Variants in PIK3C2A observed in about 807,000 individuals in gnomAD.
The protein encoded by PIK3C2A is phosphatidylinositol 4-phosphate 3-kinase C2 domain-containing subunit alpha.
In PIK3C2A, 97 loss-of-function variants were observed where a neutral mutation model predicts 204.5. The observed-to-expected ratio is 0.47, with a 90% CI of 0.40 to 0.56. The LOEUF (loss-of-function observed/expected upper bound fraction) is 0.56, where lower values mean the gene tolerates loss of function less well. Among genes scored for constraint, PIK3C2A ranks in the 20% least tolerant of loss-of-function variants. The probability of loss-of-function intolerance (pLI) is 0.00; values close to 1 mark genes in which losing one functional copy is unlikely to be tolerated. For missense variants in PIK3C2A, 1,735 were observed against 1,969.2 expected (o/e 0.88, Z 2.25); for synonymous variants, 653 against 664.4 (o/e 0.98, Z 0.26).
chr11:17,186,072 C>T (rs1274003361), intron 1 of PIK3C2A, among the ~76,000 whole-genome samples: 1 of 152,168 alleles, frequency 6.6e-6, no homozygotes, highest in Non-Finnish European at 1.5e-5. Context: ...ATCACACTGG[C>T]CCCCTTGTTG....
intron 13 of PIK3C2A, among the ~76,000 whole-genome samples, chr11:17,124,919 T>C (rs548587038): frequency 4.6e-5 from 7 of 152,312 alleles, no homozygotes; most frequent in South Asian, 2.1e-4. Context: ...GTATTTTCCA[T>C]AGAGAAGAAG....
chr11:17,119,319 A>T lies in PIK3C2A; in HGVS notation c.2847-6T>A. On this transcript the variant is annotated splice_polypyrimidine_tract_variant and splice_region_variant and intron_variant, in intron 16 of 32. Transcript: ENST00000691414. ...TTACTTCCTGATCAGCAAATCTAGA[A>T]GATTACCATAAAACCAAGATTGGAC... is the stretch of plus-strand genomic sequence containing the variant. 6.4e-7 allele frequency: 1 copy of T among 1,556,020 alleles called. No individual in the cohort carries two copies. The highest frequency in any genetic ancestry group is 8.9e-7 in the Non-Finnish European group (1 of 1,128,674).
intron 1 of PIK3C2A, among the ~76,000 whole-genome samples, chr11:17,181,056 G>GTTTACTTATTACTGACTTATT (rs1851532943): frequency 2.0e-5 from 3 of 152,096 alleles, no homozygotes; most frequent in African/African-American, 7.2e-5. Flanking sequence ...AAAGGGAAGA[G>GTTTACTTATTACTGACTTATT]ATGCATAGGG....
At chr11:17,102,520 T>TTAC (rs1191268632) in intron 24 of PIK3C2A, 142 bp downstream of exon 24, 2 of 599,408 alleles carry the variant, frequency 3.3e-6, no homozygotes, top group Admixed American at 6.1e-5. Flanking sequence ...GTCTACTATG[T>TTAC]GGTATGGTCA....
intron 1 of PIK3C2A, among the ~76,000 whole-genome samples, chr11:17,199,691 C>T (rs1852296487): frequency 6.6e-6 from 1 of 152,098 alleles, no homozygotes; most frequent in Non-Finnish European, 1.5e-5. Context: ...GCCTGTAATC[C>T]CAACACTTTG....
chr11:17,178,711 GAATTTTTTTTTT>G (rs1851424597), intron 1 of PIK3C2A, among the ~76,000 whole-genome samples: 2 of 89,262 alleles, frequency 2.2e-5, no homozygotes, highest in South Asian at 3.9e-4. Flanking sequence ...GTTGATTTTT[GAATTTTTTTTTT>G]TTTTTTTTTT....
At chr11:17,124,060 G>A (rs1849444220) in intron 13 of PIK3C2A, among the ~76,000 whole-genome samples, 1 of 151,564 alleles carries the variant, frequency 6.6e-6, no homozygotes, top group Non-Finnish European at 1.5e-5. Flanking sequence ...TATGGGGATG[G>A]GCCTCACTCT....
chr11:17,125,711 G>A (rs1218306120), intron 13 of PIK3C2A, among the ~76,000 whole-genome samples: 1 of 152,048 alleles, frequency 6.6e-6, no homozygotes, highest in Admixed American at 6.6e-5. Context: ...TAGAGACAGG[G>A]TTTCGCCATA....
At position 17,101,279 on chromosome 11, in the gene PIK3C2A, A is replaced by G; in HGVS notation, c.4007T>C (p.Leu1336Pro). 6.6e-7 allele frequency: 1 copy of G among 1,517,700 alleles called. No homozygotes were observed. Among genetic ancestry groups the G allele is most frequent in the Non-Finnish European group, 9.0e-7 (1 of 1,111,980 alleles). The allele number at this position is 1,517,700 out of a possible 1,614,324, so 94.0% of individuals were successfully genotyped here. A position where few individuals can be genotyped will look rare whatever the true frequency, so the allele number is the denominator to read the frequency against. The part of the protein sequence containing the change: ...QTNLFLNLLS[L>P]MIPSGLPELT... ...TAAGTGCTTATAAAGAATAGTTACC[A>G]GTGAAAGGAGGTTAAGAAAAAGGTT... is the stretch of plus-strand genomic sequence containing the variant. Residue 1336 changes from leucine to proline, a missense_variant and splice_region_variant, in exon 25 of 33, where the codon CTG becomes CCG. Physicochemically the swap from Leu to Pro is moderately conservative, Grantham distance 98. Coordinates refer to ENST00000691414, the MANE Select transcript of PIK3C2A (RefSeq NM_002645.4).
intron 1 of PIK3C2A, among the ~76,000 whole-genome samples, chr11:17,171,532 T>G (rs1045026577): frequency 6.6e-6 from 1 of 152,162 alleles, no homozygotes; most frequent in Non-Finnish European, 1.5e-5. Context: ...AAGGAGGTCA[T>G]GAAGAAAGAG....
intron 24 of PIK3C2A, among the ~76,000 whole-genome samples, chr11:17,101,708 A>G (rs1206416250): frequency 6.7e-6 from 1 of 149,012 alleles, no homozygotes; most frequent in Non-Finnish European, 1.5e-5. Flanking sequence ...GGTTCATGAC[A>G]TTCTCCTGCC....
intron 12 of PIK3C2A, among the ~76,000 whole-genome samples, chr11:17,130,839 CTA>C (rs1849670021): frequency 6.6e-6 from 1 of 150,912 alleles, no homozygotes; most frequent in African/African-American, 2.4e-5. Flanking sequence ...AGAAAAAACA[CTA>C]TTTAAAAAAT....
intron 11 of PIK3C2A, among the ~76,000 whole-genome samples, chr11:17,132,783 C>T (rs1331630651): frequency 6.6e-6 from 1 of 152,172 alleles, no homozygotes; most frequent in African/African-American, 2.4e-5. Flanking sequence ...ATAGAGTCAG[C>T]TAAGCATGTG....
At chr11:17,136,766 C>G (rs543519584) in intron 8 of PIK3C2A, 141 bp from the exon 9 acceptor site, 1 of 514,368 alleles carries the variant, frequency 1.9e-6, no homozygotes, top group African/African-American at 2.0e-5. Flanking sequence ...AAAAACATAG[C>G]TTTTCAATTG....
intron 28 of PIK3C2A, among the ~76,000 whole-genome samples, chr11:17,093,707 C>G (rs35933265): frequency 0.58 from 87,072 of 150,700 alleles, 25,447 homozygotes; most frequent in East Asian, 0.82. Flanking sequence ...ATGTGATCTT[C>G]GCTCACTGCA....
intron 12 of PIK3C2A, among the ~76,000 whole-genome samples, chr11:17,130,335 G>C (rs972197429): frequency 1.8e-4 from 27 of 152,094 alleles, no homozygotes; most frequent in Non-Finnish European, 3.7e-4. Context: ...TGAAAATAGT[G>C]ACACTTTCTA....
At chr11:17,191,802 A>G (rs781781125) in intron 1 of PIK3C2A, among the ~76,000 whole-genome samples, 1 of 151,728 alleles carries the variant, frequency 6.6e-6, no homozygotes, top group Non-Finnish European at 1.5e-5. Context: ...GATCTTCATA[A>G]AAGTTTTAGG....
chr11:17,149,068 T>A (rs1590964259), intron 4 of PIK3C2A, among the ~76,000 whole-genome samples: 1 of 152,172 alleles, frequency 6.6e-6, no homozygotes, highest in East Asian at 1.9e-4. Context: ...ACAAAAATAC[T>A]TGAAAAGAAA....
Position 17,194,452 on chromosome 11 carries a change from G to C in PIK3C2A, c.-66+13396C>G, listed in dbSNP as rs186975620. 12 of 162,840 alleles carry C rather than the reference G, an allele frequency of 7.4e-5. No individual in the cohort carries two copies. The East Asian group carries it at 2.0e-3, about 27-fold the overall frequency. 10.1% of individuals were successfully genotyped at this position (162,840 alleles called of 1,614,324 possible). A position where few individuals can be genotyped will look rare whatever the true frequency, so the allele number is the denominator to read the frequency against. ...AGAAAAAAGAAATTGCTAAATACAG[G>C]CATCACAAACTAACAAATGAGGACT... is the stretch of plus-strand genomic sequence containing the variant. On this transcript the variant is annotated intron_variant, in intron 1 of 32. Coordinates refer to ENST00000691414, the MANE Select transcript of PIK3C2A (RefSeq NM_002645.4).
Sources: allele counts gnomAD v4.1 joint callset (sites outside exome capture counted in the v4.1 genomes callset), GRCh38; gene constraint gnomAD v4.1.1; transcripts MANE v1.5; gene names NCBI Gene and HGNC (gene_info 2026-07-23, HGNC 2026-07-21).